LAMB3: variants seen among roughly 807,000 people sequenced by gnomAD.
LAMB3 encodes laminin subunit beta-3.
In LAMB3, 104 loss-of-function variants were observed where a neutral mutation model predicts 140.3. That is an observed-to-expected ratio of 0.74 (90% CI 0.63 to 0.87). LAMB3 has a LOEUF of 0.87. Ranked by LOEUF, LAMB3 falls within the 40% of genes least tolerant of loss-of-function variation. The pLI, the probability that LAMB3 is intolerant of heterozygous loss-of-function variation, is 0.00. For synonymous variants in LAMB3, 592 were observed against 602.9 expected, an observed-to-expected ratio of 0.98 and a Z score of 0.26; for missense variants, 1,531 against 1,575.2, an observed-to-expected ratio of 0.97 and a Z score of 0.47.
At chr1:209,649,770 T>C (rs893087126) in intron 3 of LAMB3, among the ~76,000 whole-genome samples, 194 bp downstream of exon 3, 3 of 152,232 alleles carry the variant, frequency 2.0e-5, no homozygotes, top group African/African-American at 7.2e-5. Context: ...TCTGAGTACA[T>C]TTCCTCTTGC....
In LAMB3 at chr1:209,637,909, T is replaced by C; in HGVS notation, c.371A>G (p.Gln124Arg). 6.2e-7 allele frequency: 1 copy of C among 1,611,814 alleles called. No individual in the cohort carries two copies. Among genetic ancestry groups the C allele is most frequent in the Non-Finnish European group, 8.5e-7 (1 of 1,178,976 alleles). ...FQLQEVMMEFQGPMPAGMLIE... is the reference protein window; with the variant it reads ...FQLQEVMMEFRGPMPAGMLIE... ...CACTGCCACCCCCAGGAGGCACACC[T>C]GGAACTCCATCATGACTTCTTGAAG... is the stretch of plus-strand genomic sequence containing the variant. Residue 124 changes from glutamine to arginine, a missense_variant and splice_region_variant, in exon 5 of 23, where the codon CAG (glutamine) becomes CGG (arginine). Coordinates refer to ENST00000356082, the MANE Select transcript of LAMB3 (RefSeq NM_000228.3).
chr1:209,625,526 G>T, intron 14 of LAMB3, 122 bp downstream of exon 14: 1 of 1,246,364 alleles, frequency 8.0e-7, no homozygotes, highest in Non-Finnish European at 1.2e-6. Flanking sequence ...GAAAGAGAGA[G>T]CACTGTGAAA....
chr1:209,617,916 C>A lies in LAMB3; in HGVS notation c.3042G>T (p.Arg1014Ser), dbSNP rs199715844. 1.2e-6 allele frequency: 2 copies of A among 1,614,088 alleles called. No individual in the cohort carries two copies. The highest frequency in any genetic ancestry group is 3.3e-5 in the Admixed American group (2 of 60,000). ...TSRSLRLIQDRVAEVQQVLRP... is the reference protein window; with the variant it reads ...TSRSLRLIQDSVAEVQQVLRP... Reference sequence around the variant, plus strand: ...AGCCATAATGCCTCACCTCAGCAACCCTGTCCTGGATAAGCCGAAGGGAGC... The same window carrying A: ...AGCCATAATGCCTCACCTCAGCAACACTGTCCTGGATAAGCCGAAGGGAGC... The change falls in exon 20 of 23, where the codon AGG becomes AGT. Residue 1014 changes from arginine (R) to serine (S), a missense_variant. Coordinates refer to ENST00000356082, the MANE Select transcript of LAMB3 (RefSeq NM_000228.3).
intron 20 of LAMB3, 48 bp from the exon 21 acceptor site, chr1:209,617,634 C>A: frequency 6.2e-7 from 1 of 1,604,890 alleles, no homozygotes; most frequent in South Asian, 1.1e-5. Context: ...TCTCATAGGT[C>A]GGGGGGTTCA....
chr1:209,618,558 T>A lies in LAMB3; in HGVS notation c.2803A>T (p.Ile935Phe), dbSNP rs1004230856. The A allele has an allele frequency of 6.2e-7, 1 of 1,614,092 alleles. No individual in the cohort carries two copies. Among genetic ancestry groups the A allele is most frequent in the African/African-American group, 1.3e-5 (1 of 74,924 alleles). ...SATVLQKMNE[I>F]QAIAARLPNV... Reference sequence around the variant, plus strand: ...GGGAGCCTGGCTGCAATGGCCTGGATCTCATTCATCTTCTGCAGAACAGTA... The same window carrying A: ...GGGAGCCTGGCTGCAATGGCCTGGAACTCATTCATCTTCTGCAGAACAGTA... The change falls in exon 19 of 23, where the codon ATC (isoleucine) becomes TTC (phenylalanine). Residue 935 changes from isoleucine to phenylalanine, a missense_variant. Transcript: ENST00000356082.
rs575699305 is a variant in LAMB3, at chr1:209,647,900, T to C, written c.183+2064A>G. On this transcript the variant is annotated intron_variant, in intron 3 of 22. Transcript: ENST00000356082. ...CTTAATATGATGCCAAAGACACATA[T>C]GATATGCTTAATGAATTATAATTGC... Among the ~76,000 whole-genome samples the C allele has an allele frequency of 2.3e-3, 353 of 152,344 alleles. 1 individual carries two copies. The highest frequency in any genetic ancestry group is 5.1e-3 in the Admixed American group (78 of 15,302).
In LAMB3 at chr1:209,634,497, G is replaced by A. The variant is rs767212880; in HGVS notation, c.514C>T (p.Arg172Trp). 3.1e-6 allele frequency: 5 copies of A among 1,613,950 alleles called. No homozygotes were observed. Among genetic ancestry groups the A allele is most frequent in the East Asian group, 2.2e-5 (1 of 44,872 alleles). Residue 172 changes from arginine to tryptophan, a missense_variant, in exon 6 of 23, where the codon CGG (arginine) becomes TGG (tryptophan). Arg to Trp is a moderately radical substitution (Grantham distance 101, BLOSUM62 -3). Coordinates refer to ENST00000356082, the MANE Select transcript of LAMB3 (RefSeq NM_000228.3). ...QGRPQSWQDV[R>W]CQSLPQRPNA... ...GGCCTCTGAGGCAGGGACTGGCACC[G>A]AACATCCTGCCAGCTCTGAGGCCGA...
rs371679589 is a variant in LAMB3 at position 209,623,811 on chromosome 1, C to T, written c.2137+29G>A. On this transcript the variant is annotated intron_variant, in intron 15 of 22. Transcript: ENST00000356082. The surrounding 1 kb of genome is among the most constrained non-coding windows in gnomAD (Gnocchi z 4.2). The stretch of plus-strand genomic sequence containing the variant: ...TGCCCACCACGGCAGTGCCCATGCC[C>T]GGGGTTATCCGGGTGCCCCTCTCCT... The T allele has an allele frequency of 1.4e-5, 23 of 1,613,988 alleles. No individual in the cohort carries two copies. Among genetic ancestry groups the T allele is most frequent in the African/African-American group, 2.7e-5 (2 of 74,932 alleles).
At chr1:209,634,372 TC>T in intron 6 of LAMB3, 74 bp downstream of exon 6, 1 of 1,462,244 alleles carries the variant, frequency 6.8e-7, no homozygotes, top group Non-Finnish European at 9.6e-7. Context: ...TTCTCAGGAG[TC>T]CGTGTGGCTG....
chr1:209,620,913 G>A (rs2236890), intron 18 of LAMB3, among the ~76,000 whole-genome samples: 4,832 of 152,186 alleles, frequency 0.032, 281 homozygotes, highest in East Asian at 0.27. Context: ...AGCAGCCAGC[G>A]CTCAGTGGCT....
rs1018057616 is a variant in LAMB3 at position 209,625,699 on chromosome 1, G to A, written c.1925C>T (p.Ala642Val). The change falls in exon 14 of 23, where the codon GCA (alanine) becomes GTA (valine). Residue 642 changes from alanine (A) to valine (V), a missense_variant. Transcript: ENST00000356082. ...EQIRAVLSSP[A>V]VTEQEVAQVA... ...CTGAGCCACCTCCTGCTCTGTGACT[G>A]CGGGGCTGCTGAGAACTGCTCGGAT... 1.9e-5 allele frequency: 31 copies of A among 1,614,058 alleles called. No individual in the cohort carries two copies. The highest frequency in any genetic ancestry group is 2.5e-5 in the Non-Finnish European group (30 of 1,180,024).
intron 19 of LAMB3, 42 bp downstream of exon 19, chr1:209,618,410 C>G (rs748002785): frequency 6.3e-7 from 1 of 1,599,862 alleles, no homozygotes; most frequent in Non-Finnish European, 8.5e-7. Flanking sequence ...AAAACGCCAG[C>G]TTAATCCTGG....
intron 8 of LAMB3, among the ~76,000 whole-genome samples, chr1:209,631,024 AC>A (rs1237132470): frequency 3.3e-5 from 5 of 152,118 alleles, no homozygotes; most frequent in African/African-American, 1.2e-4. Context: ...CCCCCATGAC[AC>A]CCAGTCAGAG....
intron 5 of LAMB3, 110 bp downstream of exon 5, chr1:209,637,796 GGT>G: frequency 2.3e-6 from 2 of 851,412 alleles, no homozygotes; most frequent in Non-Finnish European, 3.9e-6. Flanking sequence ...ATAGGCTCAT[GGT>G]GAGTGTTGCC....
Position 209,627,765 on chromosome 1 carries a change from C to T in LAMB3, c.1289-186G>A, listed in dbSNP as rs61822212. ...AGTTCCAGCCACCTGGCAGCTCAGCCGCCTGCCTGCCCACCCTCCATCTGG... is the reference window on the plus strand; with the variant it reads ...AGTTCCAGCCACCTGGCAGCTCAGCTGCCTGCCTGCCCACCCTCCATCTGG... On this transcript the variant is annotated intron_variant, in intron 11 of 22. Coordinates refer to ENST00000356082, the MANE Select transcript of LAMB3 (RefSeq NM_000228.3). Among the ~76,000 whole-genome samples the T allele has an allele frequency of 0.17, 26,166 of 152,236 alleles. 3,048 individuals carry two copies. The highest frequency in any genetic ancestry group is 0.27 in the Middle Eastern group (78 of 294).
At chr1:209,641,686 G>C (rs2076470374) in intron 3 of LAMB3, among the ~76,000 whole-genome samples, 1 of 152,176 alleles carries the variant, frequency 6.6e-6, no homozygotes, top group Non-Finnish European at 1.5e-5. Flanking sequence ...GGAAGAAACG[G>C]GGCTTCTCCA....
Position 209,626,019 on chromosome 1 carries a change from G to A in LAMB3, c.1605C>T (p.Asp535=), listed in dbSNP as rs769135594. 19 of 1,612,988 alleles carry A rather than the reference G, an allele frequency of 1.2e-5. No individual in the cohort carries two copies. The East Asian group carries it at 3.8e-4, about 32-fold the overall frequency. The part of the protein sequence containing the change: ...GDVATGCRAC[D]CDFRGTEGPG... ...GGCCCTCTGTTCCCCGGAAATCACA[G>A]TCACAGGCTAGGGCCAAGAAAAATG... Residue 535 remains aspartate, a synonymous_variant, in exon 14 of 23, where the codon GAC becomes GAT. Coordinates refer to ENST00000356082, the MANE Select transcript of LAMB3 (RefSeq NM_000228.3).
In LAMB3 at chr1:209,626,945, C is replaced by A. The variant is rs1666481844; in HGVS notation, c.1519G>T (p.Gly507Cys). The change falls in exon 13 of 23, where the codon GGT (glycine) becomes TGT (cysteine). Residue 507 changes from glycine to cysteine, a missense_variant. Gly to Cys is a radical substitution (Grantham distance 159). Transcript: ENST00000356082. ...GCTGCAGCGCTGCACATCAGGCCAC[C>A]AAAGCCTTCCCGACAGGGGCACTGC... is the stretch of plus-strand genomic sequence containing the variant. ...TGQCPCREGF[G>C]GLMCSAAAIR... is the part of the protein sequence containing the mutation. The A allele has an allele frequency of 6.2e-7, 1 of 1,613,768 alleles. No individual in the cohort carries two copies.
At position 209,638,056 on chromosome 1, in the gene LAMB3, G is replaced by A. The variant is rs943765511; in HGVS notation, c.299-75C>T. On this transcript the variant is annotated intron_variant, in intron 4 of 22. Coordinates refer to ENST00000356082, the MANE Select transcript of LAMB3 (RefSeq NM_000228.3). ...CAGCCCTGAAGGAAGCCCTGGATTA[G>A]ACTAGCTCTAGGAACTCAGAAACTC... 13 of 1,239,066 alleles carry A rather than the reference G, an allele frequency of 1.0e-5. No individual in the cohort carries two copies. In the African/African-American group the frequency reaches 1.3e-4, roughly 13 times the overall value. 76.8% of individuals were successfully genotyped at this position (1,239,066 alleles called of 1,614,324 possible). A position where few individuals can be genotyped will look rare whatever the true frequency, so the allele number is the denominator to read the frequency against.
Sources: gnomAD v4.1 joint callset for allele counts (sites outside exome capture counted in the v4.1 genomes callset) on GRCh38, gnomAD v4.1.1 for gene constraint, Gnocchi (gnomAD v3.1) non-coding constraint, MANE v1.5 for transcripts, NCBI Gene and HGNC (gene_info 2026-07-23, HGNC 2026-07-21) for gene names.